ARK2C: variants seen among roughly 807,000 people sequenced by gnomAD.
The protein encoded by ARK2C is E3 ubiquitin-protein ligase ARK2C.
chr18:46,357,464 A>G, the ARK2C span, among the ~76,000 whole-genome samples: 1 of 152,192 alleles, frequency 6.6e-6, no homozygotes, highest in Non-Finnish European at 1.5e-5. Flanking sequence ...AGGCAAGAAA[A>G]CAGCAGTGTG....
At chr18:46,392,571 AGAGGAGAGGCTCT>A in the ARK2C span, among the ~76,000 whole-genome samples, 1 of 152,212 alleles carries the variant, frequency 6.6e-6, no homozygotes, top group Non-Finnish European at 1.5e-5. Flanking sequence ...GACACGGCTC[AGAGGAGAGGCTCT>A]GGGGAGCCCT....
the ARK2C span, among the ~76,000 whole-genome samples, chr18:46,367,766 T>C: frequency 6.6e-6 from 1 of 152,170 alleles, no homozygotes; most frequent in Non-Finnish European, 1.5e-5. Flanking sequence ...CCCCTGAATG[T>C]TAGGTTAGAG....
chr18:46,351,769 C>G, the ARK2C span, among the ~76,000 whole-genome samples: 1 of 152,208 alleles, frequency 6.6e-6, no homozygotes, highest in African/African-American at 2.4e-5. Flanking sequence ...GGACCCCAAG[C>G]TCATGCTCTT....
chr18:46,424,566 G>A, the ARK2C span, among the ~76,000 whole-genome samples: 8 of 152,142 alleles, frequency 5.3e-5, no homozygotes, highest in African/African-American at 9.7e-5. Flanking sequence ...GGACCCTGGC[G>A]GCGGTACAAC....
chr18:46,348,013 C>T, the ARK2C span, among the ~76,000 whole-genome samples: 3 of 152,132 alleles, frequency 2.0e-5, no homozygotes, highest in Non-Finnish European at 4.4e-5. Context: ...GCCAGGCACC[C>T]TCCTAAGCAC....
At chr18:46,358,703 C>T in the ARK2C span, among the ~76,000 whole-genome samples, 34 of 152,286 alleles carry the variant, frequency 2.2e-4, no homozygotes, top group African/African-American at 6.7e-4. Context: ...GTTCCAGACC[C>T]CCAGGAACAC....
At chr18:46,414,618 C>T in the ARK2C span, among the ~76,000 whole-genome samples, 2 of 152,242 alleles carry the variant, frequency 1.3e-5, no homozygotes, top group East Asian at 1.9e-4. Flanking sequence ...TGCACACACA[C>T]ATGCTTATAC....
the ARK2C span, among the ~76,000 whole-genome samples, chr18:46,380,841 C>T: frequency 6.6e-6 from 1 of 152,224 alleles, no homozygotes; most frequent in Non-Finnish European, 1.5e-5. Context: ...TGCAGGTCCC[C>T]ATCACACTCG....
At chr18:46,439,887 G>T in the ARK2C span, among the ~76,000 whole-genome samples, 1 of 152,142 alleles carries the variant, frequency 6.6e-6, no homozygotes, top group Admixed American at 6.5e-5. Context: ...CTGGAATGAA[G>T]TGGCACGATC....
chr18:46,399,632 C>A, the ARK2C span, among the ~76,000 whole-genome samples: 1 of 152,126 alleles, frequency 6.6e-6, no homozygotes, highest in Non-Finnish European at 1.5e-5. Flanking sequence ...CCTGGCCAGG[C>A]CTGCCCTCTT....
the ARK2C span, among the ~76,000 whole-genome samples, chr18:46,435,088 C>G: frequency 6.6e-6 from 1 of 152,168 alleles, no homozygotes; most frequent in African/African-American, 2.4e-5. Context: ...AGTTCCTGAG[C>G]TGCAGATGAA....
At chr18:46,402,069 T>C in the ARK2C span, among the ~76,000 whole-genome samples, 1 of 152,252 alleles carries the variant, frequency 6.6e-6, no homozygotes, top group Non-Finnish European at 1.5e-5. Context: ...TCCACTGTTT[T>C]GTGAGGCAAT....
the ARK2C span, among the ~76,000 whole-genome samples, chr18:46,367,168 G>A: frequency 1.8e-4 from 27 of 152,240 alleles, no homozygotes; most frequent in East Asian, 5.2e-3. Flanking sequence ...GAAGAGTTTT[G>A]GGGGTTTTCC....
chr18:46,403,093 C>A, the ARK2C span, among the ~76,000 whole-genome samples: 3 of 152,194 alleles, frequency 2.0e-5, no homozygotes, highest in Non-Finnish European at 4.4e-5. Context: ...CAGCCCCAGG[C>A]AGAGGTTTTG....
the ARK2C span, among the ~76,000 whole-genome samples, chr18:46,350,458 T>A: frequency 1.3e-5 from 2 of 152,042 alleles, no homozygotes; most frequent in African/African-American, 4.8e-5. Context: ...CAGTAGAGCA[T>A]GAGAGAAGGG....
chr18:46,447,817 C>G, the ARK2C span: 1 of 1,106,226 alleles, frequency 9.0e-7, no homozygotes, highest in South Asian at 1.4e-5. Context: ...CCCCTGTGCC[C>G]CGGCTTCCAC....
chr18:46,428,418 G>GAAAAAC, the ARK2C span, among the ~76,000 whole-genome samples: 157 of 152,048 alleles, frequency 1.0e-3, no homozygotes, highest in African/African-American at 3.7e-3. Context: ...AAAACAAAAA[G>GAAAAAC]AAAAACAAAA....
the ARK2C span, among the ~76,000 whole-genome samples, chr18:46,345,359 A>C: frequency 6.2e-3 from 867 of 139,658 alleles, 6 homozygotes; most frequent in African/African-American, 0.021. Flanking sequence ...GTGGGAGAGA[A>C]GGCCAGATGA....
At chr18:46,337,388 A>G in the ARK2C span, 2 of 985,314 alleles carry the variant, frequency 2.0e-6, no homozygotes, top group Non-Finnish European at 2.4e-6. Context: ...TTGTACTAAA[A>G]CTAAAGCATG....
Sources: allele counts gnomAD v4.1 joint callset (sites outside exome capture counted in the v4.1 genomes callset), GRCh38; gene constraint gnomAD v4.1.1; transcripts MANE v1.5; gene names NCBI Gene and HGNC (gene_info 2026-07-23, HGNC 2026-07-21).